The following DIP2C variants were observed in gnomAD, a reference collection of about 807,000 sequenced individuals.
The protein encoded by DIP2C is DIP2 acetate--CoA ligase C (putative).
In DIP2C, 33 loss-of-function variants were observed where a neutral mutation model predicts 192.4. That is an observed-to-expected ratio of 0.17 (90% confidence interval 0.13 to 0.23). DIP2C has a LOEUF of 0.23. DIP2C is among the 10% of genes least tolerant of loss of function. DIP2C has a pLI of 1.00. For missense variants in DIP2C, 1,537 were observed against 2,110.1 expected (o/e 0.73, Z 5.32); for synonymous variants, 979 against 864.1 (o/e 1.13, Z -2.33).
At chr10:417,710 A>AGGGCGCGG (rs1965779256) in intron 6 of DIP2C, among the ~76,000 whole-genome samples, 1 of 79,000 alleles carries the variant, frequency 1.3e-5, no homozygotes, top group Non-Finnish European at 2.6e-5. Context: ...CTGTCGGCTC[A>AGGGCGCGG]AATAGGCCTC....
At chr10:424,206 G>A (rs747342436) in intron 4 of DIP2C, among the ~76,000 whole-genome samples, 4 of 151,944 alleles carry the variant, frequency 2.6e-5, no homozygotes, top group African/African-American at 7.3e-5. Context: ...CTTAAGACAC[G>A]GGTTTGTTTT....
At chr10:572,085 G>C (rs776271760) in intron 1 of DIP2C, among the ~76,000 whole-genome samples, 2 of 152,188 alleles carry the variant, frequency 1.3e-5, no homozygotes, top group Non-Finnish European at 2.9e-5. Flanking sequence ...ACCCTTCTCG[G>C]GATTGAGTGA....
intron 1 of DIP2C, among the ~76,000 whole-genome samples, chr10:496,523 T>C (rs549088794): frequency 5.0e-4 from 73 of 145,646 alleles, no homozygotes; most frequent in African/African-American, 1.7e-3. Flanking sequence ...AATCTCTACA[T>C]TACTCCCAAA....
chr10:669,868 A>G (rs1349145586), intron 1 of DIP2C, among the ~76,000 whole-genome samples: 1 of 152,384 alleles, frequency 6.6e-6, no homozygotes, highest in Middle Eastern at 3.4e-3. Flanking sequence ...AGAAAGTTCA[A>G]TGTAAACACA....
chr10:609,441 T>A (rs557613979), intron 1 of DIP2C, among the ~76,000 whole-genome samples: 5 of 152,324 alleles, frequency 3.3e-5, no homozygotes, highest in Non-Finnish European at 7.3e-5. Context: ...ACTAGCCACA[T>A]CCTATCAGGG....
chr10:288,835 G>A (rs973073040), intron 32 of DIP2C, among the ~76,000 whole-genome samples: 2 of 152,226 alleles, frequency 1.3e-5, no homozygotes, highest in African/African-American at 2.4e-5. Context: ...GTGTGCAGCG[G>A]CCGAGAGCCC....
chr10:513,503 G>A (rs1198057413), intron 1 of DIP2C, among the ~76,000 whole-genome samples: 2 of 152,102 alleles, frequency 1.3e-5, no homozygotes, highest in African/African-American at 2.4e-5. Context: ...ACCACGGCCC[G>A]TGGCTCTCGT....
Position 627,883 on chromosome 10 carries a change from C to T in DIP2C, c.85+61611G>A, listed in dbSNP as rs145036592. Among the ~76,000 whole-genome samples, 10 of 152,374 alleles carry T rather than the reference C, an allele frequency of 6.6e-5. No individual in the cohort carries two copies. The East Asian group carries it at 1.9e-3, about 29-fold the overall frequency. ...CCTCGAACAGACCACGCCCTCATTA[C>T]GGGGTTGGTGACCCACCTCCCACCA... is the stretch of plus-strand genomic sequence containing the variant. On this transcript the variant is annotated intron_variant, in intron 1 of 36. Transcript: ENST00000280886.
chr10:576,072 G>A (rs974321167), intron 1 of DIP2C, among the ~76,000 whole-genome samples: 3 of 152,196 alleles, frequency 2.0e-5, no homozygotes, highest in African/African-American at 2.4e-5. Flanking sequence ...TTGTCCGGGA[G>A]AAGCAAATGC....
chr10:546,911 A>G (rs1452227676), intron 1 of DIP2C, among the ~76,000 whole-genome samples: 1 of 152,200 alleles, frequency 6.6e-6, no homozygotes, highest in African/African-American at 2.4e-5. Context: ...AACGTAAGGT[A>G]TTTTCCTTGA....
Position 560,929 on chromosome 10 carries a change from C to T in DIP2C, c.86-74399G>A, listed in dbSNP as rs569377642. Among the ~76,000 whole-genome samples, 4 of 152,294 alleles carry T rather than the reference C, an allele frequency of 2.6e-5. 1 individual carries two copies. In the South Asian group the frequency reaches 8.3e-4, roughly 32 times the overall value. On this transcript the variant is annotated intron_variant, in intron 1 of 36. Coordinates refer to ENST00000280886, the MANE Select transcript of DIP2C (RefSeq NM_014974.3). Reference sequence around the variant, plus strand: ...TTCAAAGCTACCTGGAGGCATCCCTCCACATGACAAAGCCTTGGTCTCCAC... The same window carrying T: ...TTCAAAGCTACCTGGAGGCATCCCTTCACATGACAAAGCCTTGGTCTCCAC...
intron 32 of DIP2C, among the ~76,000 whole-genome samples, chr10:292,808 A>G (rs967405363): frequency 6.6e-6 from 1 of 152,174 alleles, no homozygotes; most frequent in African/African-American, 2.4e-5. Context: ...AAAGCTACAG[A>G]AGAGACTCTT....
intron 1 of DIP2C, among the ~76,000 whole-genome samples, chr10:569,082 G>C (rs557068451): frequency 6.6e-6 from 1 of 152,124 alleles, no homozygotes. Flanking sequence ...GGTAAGGTGC[G>C]GTCAAGGGTC....
chr10:318,243 GTT>G (rs1174245070), intron 31 of DIP2C, among the ~76,000 whole-genome samples: 1 of 152,198 alleles, frequency 6.6e-6, no homozygotes, highest in African/African-American at 2.4e-5. Context: ...TTTGAGTCCT[GTT>G]TGAATACAGA....
Position 384,444 on chromosome 10 carries a change from G to GC in DIP2C, c.1756+101dup, listed in dbSNP as rs368828075. Reference sequence around the variant, plus strand: ...GTAGAAACGGGGTTTCTCCATATTGGCCCGGGTGGTCTGGAACTCCTGACC... The same window carrying GC: ...GTAGAAACGGGGTTTCTCCATATTGGCCCCGGGTGGTCTGGAACTCCTGACC... On this transcript the variant is annotated intron_variant, in intron 15 of 36. Coordinates refer to ENST00000280886, the MANE Select transcript of DIP2C (RefSeq NM_014974.3). 1.7e-4 allele frequency: 208 copies of GC among 1,194,780 alleles called. 1 individual carries two copies. The African/African-American group carries it at 2.6e-3, about 15-fold the overall frequency. 74.0% of individuals were successfully genotyped at this position (1,194,780 alleles called of 1,614,324 possible).
At chr10:356,781 C>T (rs149180950) in intron 23 of DIP2C, among the ~76,000 whole-genome samples, 117 of 152,254 alleles carry the variant, frequency 7.7e-4, no homozygotes, top group African/African-American at 2.7e-3. Context: ...TGGTGCTGCA[C>T]CCTGGTGTGA....
At chr10:337,626 G>A (rs533591859) in intron 29 of DIP2C, among the ~76,000 whole-genome samples, 45 of 140,708 alleles carry the variant, frequency 3.2e-4, no homozygotes, top group African/African-American at 1.2e-3. Flanking sequence ...CTGTGTGTGT[G>A]TGCGCACGTG....
intron 26 of DIP2C, among the ~76,000 whole-genome samples, chr10:347,864 C>CCACACTTTCTAGGAGTG (rs1564594774): frequency 9.1e-6 from 1 of 109,778 alleles, no homozygotes; most frequent in Non-Finnish European, 2.0e-5. Context: ...AGACGCGTCG[C>CCACACTTTCTAGGAGTG]GCATAGCTCT....
At chr10:308,267 G>C (rs17159343) in intron 32 of DIP2C, among the ~76,000 whole-genome samples, 2 of 149,716 alleles carry the variant, frequency 1.3e-5, no homozygotes, top group Non-Finnish European at 2.9e-5. Context: ...AGCTAGCAGC[G>C]ACGGTCAGCG....
Sources: allele counts gnomAD v4.1 joint callset (sites outside exome capture counted in the v4.1 genomes callset), GRCh38; gene constraint gnomAD v4.1.1; transcripts MANE v1.5; gene names NCBI Gene and HGNC (gene_info 2026-07-23, HGNC 2026-07-21).